The following ATXN1 variants were observed in gnomAD, a reference collection of about 807,000 sequenced individuals.
The protein encoded by ATXN1 is ataxin-1.
Under a neutral mutation model 56.4 loss-of-function variants are expected in ATXN1, and 8 were observed. The ratio of observed to expected loss-of-function variants is 0.14; its 90% CI spans 0.08 to 0.26. The LOEUF (loss-of-function observed/expected upper bound fraction) is 0.26. Ranked by LOEUF, ATXN1 falls within the 10% of genes least tolerant of loss-of-function variation. The pLI is 1.00. For missense variants in ATXN1, 987 were observed against 1,106.5 expected (o/e 0.89, Z 1.53); for synonymous variants, 514 against 494.6 (o/e 1.04, Z -0.52).
intron 6 of ATXN1, among the ~76,000 whole-genome samples, chr6:16,445,942 G>A (rs1759626194): frequency 6.6e-6 from 1 of 151,588 alleles, no homozygotes; most frequent in African/African-American, 2.4e-5. Context: ...ATTTGGGTTG[G>A]TTCCAAGTCT....
At chr6:16,598,401 C>A (rs1762854226) in intron 3 of ATXN1, among the ~76,000 whole-genome samples, 1 of 152,152 alleles carries the variant, frequency 6.6e-6, no homozygotes, top group South Asian at 2.1e-4. Flanking sequence ...ATCCAGATCT[C>A]CAAAATATAT....
Position 16,353,162 on chromosome 6 carries a change from A to G in ATXN1, c.-160-24692T>C, listed in dbSNP as rs116849750. On this transcript the variant is annotated intron_variant, in intron 6 of 7. Transcript: ENST00000436367. ...TTTCCATTTCATACTTTCAGTCTGC[A>G]GTTGGCCTCAGAAATCAACCTGCGG... Among the ~76,000 whole-genome samples the G allele has an allele frequency of 7.7e-4, 117 of 152,302 alleles. 2 individuals are homozygous for G. The East Asian group carries it at 0.02, about 26-fold the overall frequency.
chr6:16,639,312 G>A (rs9632494), intron 3 of ATXN1, among the ~76,000 whole-genome samples: 2,092 of 152,232 alleles, frequency 0.014, 53 homozygotes, highest in African/African-American at 0.047. Flanking sequence ...CACTCACTGT[G>A]AAGGTCCGTG....
At position 16,608,262 on chromosome 6, in the gene ATXN1, C is replaced by T. The variant is rs531783364; in HGVS notation, c.-488-22355G>A. Among the ~76,000 whole-genome samples the T allele has an allele frequency of 4.6e-5, 7 of 152,350 alleles. No homozygotes were observed. In the South Asian group the frequency reaches 1.4e-3, roughly 32 times the overall value. ...CTCTTTCTGTCTCTCTCCAAGGTCT[C>T]TCTTTTTCTAAGTCACCTTTGTTGA... is the stretch of plus-strand genomic sequence containing the variant. On this transcript the variant is annotated intron_variant, in intron 3 of 7. Transcript: ENST00000436367.
At chr6:16,653,250 G>A (rs1387529156) in intron 3 of ATXN1, among the ~76,000 whole-genome samples, 1 of 152,182 alleles carries the variant, frequency 6.6e-6, no homozygotes. Flanking sequence ...GACCAGGCAT[G>A]CCCTTGCTGG....
At chr6:16,561,401 T>C (rs1036830226) in intron 4 of ATXN1, among the ~76,000 whole-genome samples, 3 of 152,218 alleles carry the variant, frequency 2.0e-5, no homozygotes, top group East Asian at 1.9e-4. Flanking sequence ...TCTCCACAGA[T>C]ACATTTTGCT....
chr6:16,739,772 A>G (rs1561831928), intron 2 of ATXN1: 2 of 454,910 alleles, frequency 4.4e-6, no homozygotes, highest in Non-Finnish European at 8.9e-6. Context: ...GTCATCCTTT[A>G]GGGTGGCCCA....
intron 2 of ATXN1, among the ~76,000 whole-genome samples, chr6:16,745,933 C>T (rs1273819547): frequency 6.1e-5 from 9 of 147,236 alleles, no homozygotes; most frequent in Admixed American, 2.7e-4. Context: ...CTATGCCTTC[C>T]GTGTGTGTGT....
chr6:16,461,614 A>G (rs1490430022), intron 6 of ATXN1, among the ~76,000 whole-genome samples: 1 of 152,236 alleles, frequency 6.6e-6, no homozygotes, highest in Non-Finnish European at 1.5e-5. Context: ...CAAATTGGAT[A>G]GAAGCCTTCC....
At chr6:16,330,390 CTTTTTTTTT>C (rs60608169) in intron 6 of ATXN1, among the ~76,000 whole-genome samples, 2 of 119,826 alleles carry the variant, frequency 1.7e-5, no homozygotes, top group African/African-American at 3.2e-5. Flanking sequence ...TCCTTCCTTC[CTTTTTTTTT>C]TTTTTTTTTT....
intron 6 of ATXN1, among the ~76,000 whole-genome samples, chr6:16,358,015 C>T (rs1433032081): frequency 6.6e-5 from 10 of 152,098 alleles, no homozygotes; most frequent in Admixed American, 2.6e-4. Flanking sequence ...CACCAGTACC[C>T]GGGAGGGAAG....
At chr6:16,704,783 T>C (rs1759371362) in intron 2 of ATXN1, among the ~76,000 whole-genome samples, 1 of 152,174 alleles carries the variant, frequency 6.6e-6, no homozygotes, top group African/African-American at 2.4e-5. Flanking sequence ...AGTGATCAAA[T>C]GCTTCTTGAC....
chr6:16,471,303 A>G (rs1168823275), intron 6 of ATXN1, among the ~76,000 whole-genome samples: 2 of 152,154 alleles, frequency 1.3e-5, no homozygotes, highest in Admixed American at 1.3e-4. Context: ...ATGTAAGTTA[A>G]TCACAGGAAG....
chr6:16,729,748 T>C (rs1339445043), intron 2 of ATXN1, among the ~76,000 whole-genome samples: 1 of 152,204 alleles, frequency 6.6e-6, no homozygotes, highest in Non-Finnish European at 1.5e-5. Context: ...GTCCCTCTTT[T>C]TAATTATCTA....
rs562510888 is a variant in ATXN1, at chr6:16,410,899, C to T, written c.-161+75073G>A. On this transcript the variant is annotated intron_variant, in intron 6 of 7. Transcript: ENST00000436367. The surrounding 1 kb of genome is among the most constrained non-coding windows in gnomAD (Gnocchi z 4.6). ...CAGCTCTTTGGGAGGCCAATGCAGG[C>T]GGATCACTTGAGGCCAGGAGTTTGA... Among the ~76,000 whole-genome samples, 56 of 152,088 alleles carry T rather than the reference C, an allele frequency of 3.7e-4. No homozygotes were observed. The South Asian group carries it at 5.6e-3, about 15-fold the overall frequency.
chr6:16,664,175 A>G (rs564076255), intron 2 of ATXN1, among the ~76,000 whole-genome samples: 22 of 152,338 alleles, frequency 1.4e-4, no homozygotes, highest in African/African-American at 5.3e-4. Context: ...ACTAATTAAC[A>G]CACAAAAATG....
chr6:16,717,673 C>T (rs1430527230), intron 2 of ATXN1, among the ~76,000 whole-genome samples: 3 of 152,130 alleles, frequency 2.0e-5, no homozygotes, highest in African/African-American at 4.8e-5. Flanking sequence ...TCTGGCATAA[C>T]GATCTCGTGG....
chr6:16,322,664 G>T (rs1760683174), intron 7 of ATXN1, among the ~76,000 whole-genome samples: 1 of 152,152 alleles, frequency 6.6e-6, no homozygotes, highest in African/African-American at 2.4e-5. Context: ...CCTCAGGAAG[G>T]CACTGCAGAG....
At chr6:16,740,852 A>G (rs1382557855) in intron 2 of ATXN1, among the ~76,000 whole-genome samples, 3 of 152,214 alleles carry the variant, frequency 2.0e-5, no homozygotes, top group African/African-American at 7.2e-5. Context: ...TAAATTTATA[A>G]TGAAGCACTG....
Sources: allele counts gnomAD v4.1 joint callset (sites outside exome capture counted in the v4.1 genomes callset), GRCh38; gene constraint gnomAD v4.1.1; non-coding constraint Gnocchi (gnomAD v3.1); transcripts MANE v1.5; gene names NCBI Gene and HGNC (gene_info 2026-07-23, HGNC 2026-07-21).